TMTC2: variants seen among roughly 807,000 people sequenced by gnomAD.
TMTC2 encodes the protein protein O-mannosyl-transferase TMTC2.
In TMTC2, 43 loss-of-function variants were observed where a neutral mutation model predicts 82.4. The observed-to-expected ratio is 0.52, with a 90% confidence interval of 0.41 to 0.67. The LOEUF is 0.67. Ranked by LOEUF, TMTC2 falls within the 30% of genes least tolerant of loss-of-function variation. The probability of loss-of-function intolerance (pLI) is 0.00; values close to 1 mark genes in which losing one functional copy is unlikely to be tolerated. For missense variants in TMTC2, 919 were observed against 1,012.4 expected, an observed-to-expected ratio of 0.91 and a Z score of 1.25; for synonymous variants, 408 against 381.9, an observed-to-expected ratio of 1.07 and a Z score of -0.80.
intron 9 of TMTC2, among the ~76,000 whole-genome samples, chr12:83,033,472 T>C (rs1466111155): frequency 6.6e-6 from 1 of 152,120 alleles, no homozygotes; most frequent in Non-Finnish European, 1.5e-5. Context: ...ATATTCTGAG[T>C]TCGGGCACGG....
At chr12:82,695,942 T>C (rs2136890299) in intron 1 of TMTC2, among the ~76,000 whole-genome samples, 1 of 152,342 alleles carries the variant, frequency 6.6e-6, no homozygotes, top group Admixed American at 6.5e-5. Context: ...TATCTTCAGC[T>C]TTAAGAAACT....
intron 1 of TMTC2, among the ~76,000 whole-genome samples, chr12:82,796,664 C>A (rs1226657788): frequency 2.0e-5 from 3 of 152,098 alleles, no homozygotes; most frequent in East Asian, 3.8e-4. Context: ...CAGCCTCCTC[C>A]TCAGCAGCCT....
At chr12:82,944,766 G>T (rs1876910710) in intron 4 of TMTC2, among the ~76,000 whole-genome samples, 1 of 152,096 alleles carries the variant, frequency 6.6e-6, no homozygotes, top group African/African-American at 2.4e-5. Context: ...GGGAAAAAAA[G>T]ATAGTGACAT....
At position 82,963,792 on chromosome 12, in the gene TMTC2, CATATATATATATATATATATATAT is replaced by C. The variant is rs58960088; in HGVS notation, c.1599-1197_1599-1174del. On this transcript the variant is annotated intron_variant, in intron 4 of 11. Coordinates refer to ENST00000321196, the MANE Select transcript of TMTC2 (RefSeq NM_152588.3). ...TCAGATTAACTGTTGTCCAGATTTT[CATATATATATATATATATATATAT>C]ATATATATATATATATATATATATA... Among the ~76,000 whole-genome samples, 157 of 53,056 alleles carry C rather than the reference CATATATATATATATATATATATAT, an allele frequency of 3.0e-3. 5 individuals are homozygous for C. The highest frequency in any genetic ancestry group is 6.5e-3 in the East Asian group (6 of 930). 34.8% of individuals were successfully genotyped at this position (53,056 alleles called of 152,430 possible).
chr12:82,824,640 C>G (rs1830875548), intron 1 of TMTC2, among the ~76,000 whole-genome samples: 1 of 151,982 alleles, frequency 6.6e-6, no homozygotes, highest in Admixed American at 6.6e-5. Context: ...AATTAAATGG[C>G]CTGAGAAATT....
intron 7 of TMTC2, among the ~76,000 whole-genome samples, chr12:82,985,436 C>A (rs758230081): frequency 8.5e-5 from 13 of 152,146 alleles, no homozygotes; most frequent in Non-Finnish European, 1.6e-4. Context: ...ATTTTTAACT[C>A]TTTCAATTAC....
intron 1 of TMTC2, among the ~76,000 whole-genome samples, chr12:82,688,596 C>T (rs919442476): frequency 1.2e-4 from 19 of 152,168 alleles, no homozygotes; most frequent in Non-Finnish European, 2.8e-4. Context: ...AATCTGATTA[C>T]AATTAAAACA....
chr12:82,778,450 T>C (rs1347158584), intron 1 of TMTC2, among the ~76,000 whole-genome samples: 1 of 152,178 alleles, frequency 6.6e-6, no homozygotes, highest in East Asian at 1.9e-4. Flanking sequence ...GCCCAGTGGC[T>C]CATGCCTGTA....
chr12:82,966,665 T>C (rs773989503), intron 6 of TMTC2, among the ~76,000 whole-genome samples: 5 of 152,152 alleles, frequency 3.3e-5, no homozygotes, highest in Non-Finnish European at 7.3e-5. Context: ...CTAGAAAATT[T>C]GTATTAAAAG....
At chr12:82,849,960 T>C (rs1870885686) in intron 1 of TMTC2, among the ~76,000 whole-genome samples, 1 of 152,140 alleles carries the variant, frequency 6.6e-6, no homozygotes, top group African/African-American at 2.4e-5. Context: ...TCCTAGTACA[T>C]AGTTGGTACC....
At chr12:83,045,233 T>C (rs1882043841) in intron 9 of TMTC2, among the ~76,000 whole-genome samples, 1 of 152,212 alleles carries the variant, frequency 6.6e-6, no homozygotes, top group Non-Finnish European at 1.5e-5. Context: ...TATCATCTGG[T>C]TTTCCCTACT....
At chr12:82,791,436 A>G (rs1230675417) in intron 1 of TMTC2, among the ~76,000 whole-genome samples, 1 of 152,272 alleles carries the variant, frequency 6.6e-6, no homozygotes, top group East Asian at 1.9e-4. Flanking sequence ...ACTCTCAGAT[A>G]TAAGAATCAG....
At chr12:82,961,446 A>G (rs1051363138) in intron 4 of TMTC2, among the ~76,000 whole-genome samples, 1 of 152,142 alleles carries the variant, frequency 6.6e-6, no homozygotes, top group African/African-American at 2.4e-5. Flanking sequence ...GTTTTACAGC[A>G]AAAAGAAACA....
At chr12:82,937,167 T>C (rs1876363030) in intron 4 of TMTC2, among the ~76,000 whole-genome samples, 1 of 152,310 alleles carries the variant, frequency 6.6e-6, no homozygotes, top group African/African-American at 2.4e-5. Context: ...TACTACAAGG[T>C]ACATAGCTTA....
At chr12:82,781,702 GTTT>G (rs1251785252) in intron 1 of TMTC2, among the ~76,000 whole-genome samples, 2 of 126,220 alleles carry the variant, frequency 1.6e-5, no homozygotes, top group Admixed American at 8.1e-5. Context: ...TATTATTATT[GTTT>G]TTTTTTTTTT....
intron 2 of TMTC2, among the ~76,000 whole-genome samples, chr12:82,891,497 G>A (rs1309378195): frequency 3.3e-5 from 5 of 151,880 alleles, no homozygotes; most frequent in African/African-American, 7.3e-5. Context: ...TAGTAGAGAC[G>A]GGGTTTCTCC....
rs534260110 is a variant in TMTC2, at chr12:82,905,901, C to T, written c.1483+9255C>T. Among the ~76,000 whole-genome samples the T allele has an allele frequency of 2.5e-3, 373 of 150,106 alleles. 1 individual carries two copies. The highest frequency in any genetic ancestry group is 8.4e-3 in the African/African-American group (342 of 40,700). ...CAGAGGTTGCAGTGAGCCGAGATCG[C>T]GTCATTGCACCCCAGCCTGGGCAAC... On this transcript the variant is annotated intron_variant, in intron 3 of 11. Transcript: ENST00000321196.
intron 1 of TMTC2, among the ~76,000 whole-genome samples, chr12:82,792,085 GA>G (rs1878496905): frequency 6.6e-6 from 1 of 152,266 alleles, no homozygotes; most frequent in South Asian, 2.1e-4. Context: ...AGGTAGAGGG[GA>G]AAGAGTGTGA....
rs1885346384 is a variant in TMTC2, at chr12:83,133,845, G to A, written c.*1456G>A. On this transcript the variant is annotated 3_prime_UTR_variant, in exon 12 of 12. Transcript: ENST00000321196. ...ATTTATTTATTATTCTACTATAGCA[G>A]AATAACAAAACTTGATGCATTAAGC... 1 of 152,068 alleles carries A rather than the reference G, an allele frequency of 6.6e-6. No individual in the cohort carries two copies. The highest frequency in any genetic ancestry group is 2.1e-4 in the South Asian group (1 of 4,820). The allele number at this position is 152,068 out of a possible 1,614,324, so 9.4% of individuals were successfully genotyped here.
Sources: allele counts gnomAD v4.1 joint callset (sites outside exome capture counted in the v4.1 genomes callset), GRCh38; gene constraint gnomAD v4.1.1; transcripts MANE v1.5; gene names NCBI Gene and HGNC (gene_info 2026-07-23, HGNC 2026-07-21).